CDK6: variants seen among roughly 807,000 people sequenced by gnomAD.
CDK6 encodes cyclin-dependent kinase 6.
Under a neutral mutation model 37.1 loss-of-function variants are expected in CDK6, and 6 were observed. The ratio of observed to expected loss-of-function variants is 0.16; its 90% CI spans 0.09 to 0.32. CDK6 has a LOEUF of 0.32. Ranked by LOEUF, CDK6 falls within the 10% of genes least tolerant of loss-of-function variation. The pLI, the probability that CDK6 is intolerant of heterozygous loss-of-function variation, is 1.00. For synonymous variants in CDK6, 160 were observed against 161.3 expected, an observed-to-expected ratio of 0.99 and a Z score of 0.06; for missense variants, 224 against 418.9, an observed-to-expected ratio of 0.53 and a Z score of 4.06.
chr7:92,638,188 G>A (rs1796218054), intron 5 of CDK6, among the ~76,000 whole-genome samples: 1 of 152,060 alleles, frequency 6.6e-6, no homozygotes, highest in Admixed American at 6.5e-5. Context: ...AAAAGATATA[G>A]AAAATAAACT....
chr7:92,661,964 CTAT>C (rs1315772784), intron 5 of CDK6, among the ~76,000 whole-genome samples: 1 of 152,102 alleles, frequency 6.6e-6, no homozygotes, highest in Non-Finnish European at 1.5e-5. Context: ...TGTAGAGACA[CTAT>C]TCTTTCAAGA....
At chr7:92,723,419 T>G (rs1798414082) in intron 4 of CDK6, among the ~76,000 whole-genome samples, 1 of 152,146 alleles carries the variant, frequency 6.6e-6, no homozygotes. Flanking sequence ...CACTAAAAAA[T>G]GTGTATTTCC....
chr7:92,735,519 T>C (rs536017250), intron 3 of CDK6, among the ~76,000 whole-genome samples: 1 of 152,330 alleles, frequency 6.6e-6, no homozygotes, highest in South Asian at 2.1e-4. Flanking sequence ...GCCTCTGTCA[T>C]AGAACTGTGG....
intron 3 of CDK6, among the ~76,000 whole-genome samples, chr7:92,740,792 T>C (rs1046176724): frequency 3.3e-5 from 5 of 152,266 alleles, no homozygotes; most frequent in Non-Finnish European, 7.4e-5. Flanking sequence ...GGAAACCGAA[T>C]TTGAGAAGCC....
chr7:92,696,114 G>A (rs888293876), intron 4 of CDK6, among the ~76,000 whole-genome samples: 1 of 152,190 alleles, frequency 6.6e-6, no homozygotes, highest in African/African-American at 2.4e-5. Context: ...TATAAACCAG[G>A]GGATTGTGAA....
intron 4 of CDK6, among the ~76,000 whole-genome samples, chr7:92,679,704 TCA>T (rs1797288072): frequency 6.6e-6 from 1 of 152,290 alleles, no homozygotes; most frequent in Non-Finnish European, 1.5e-5. Flanking sequence ...CACTGACTTT[TCA>T]CAGAGGTGCA....
At chr7:92,730,370 T>C (rs1020017423) in intron 3 of CDK6, among the ~76,000 whole-genome samples, 3 of 152,218 alleles carry the variant, frequency 2.0e-5, no homozygotes, top group Admixed American at 1.3e-4. Flanking sequence ...CTGTTTCCTA[T>C]GAAGTGTGTT....
intron 4 of CDK6, among the ~76,000 whole-genome samples, chr7:92,715,454 T>C (rs1798208318): frequency 6.6e-6 from 1 of 152,186 alleles, no homozygotes; most frequent in African/African-American, 2.4e-5. Context: ...GATTTGAAGG[T>C]AGATTATTCC....
intron 5 of CDK6, among the ~76,000 whole-genome samples, chr7:92,636,382 C>T (rs1198435429): frequency 2.0e-5 from 3 of 151,954 alleles, no homozygotes; most frequent in Non-Finnish European, 4.4e-5. Flanking sequence ...AGGTCAACTT[C>T]TGGTTTCAGT....
rs190369983 is a variant in CDK6 at position 92,676,905 on chromosome 7, G to A, written c.538-5370C>T. Among the ~76,000 whole-genome samples the A allele has an allele frequency of 3.2e-3, 483 of 150,730 alleles. 1 individual carries two copies. The highest frequency in any genetic ancestry group is 0.011 in the African/African-American group (458 of 41,010). On this transcript the variant is annotated intron_variant, in intron 4 of 7. Transcript: ENST00000424848. ...ACCCGGGAGGCGGAGCTTGCAGTGA[G>A]CTGAGATCGCGCCACTGCACTCCAG...
intron 5 of CDK6, among the ~76,000 whole-genome samples, chr7:92,658,003 TA>T (rs1796743884): frequency 6.6e-6 from 1 of 152,230 alleles, no homozygotes; most frequent in Admixed American, 6.5e-5. Context: ...ATTACAGATG[TA>T]AGGCACCATG....
chr7:92,821,573 TAAC>T lies in CDK6; in HGVS notation c.233+11515_233+11517del, dbSNP rs1294306525. Among the ~76,000 whole-genome samples, 10 of 152,204 alleles carry T rather than the reference TAAC, an allele frequency of 6.6e-5. No individual in the cohort carries two copies. In the East Asian group the frequency reaches 1.9e-3, roughly 29 times the overall value. ...TGCAAACTTTGGTACTCTACTTTATTAACAACTTCCTTGAAACATATCTGACAA... is the reference window on the plus strand; with the variant it reads ...TGCAAACTTTGGTACTCTACTTTATTAACTTCCTTGAAACATATCTGACAA... On this transcript the variant is annotated intron_variant, in intron 2 of 7. Transcript: ENST00000424848.
intron 2 of CDK6, among the ~76,000 whole-genome samples, chr7:92,816,742 GACAA>G (rs148999214): frequency 6.6e-6 from 1 of 151,848 alleles, no homozygotes; most frequent in African/African-American, 2.4e-5. Flanking sequence ...AGAGACCACA[GACAA>G]ACAGAAGTGA....
intron 5 of CDK6, among the ~76,000 whole-genome samples, chr7:92,641,854 C>T (rs1242608506): frequency 1.3e-5 from 2 of 152,134 alleles, no homozygotes; most frequent in Non-Finnish European, 2.9e-5. Flanking sequence ...TGACTAAAAC[C>T]AGTGAGCCGG....
Position 92,711,552 on chromosome 7 carries a change from A to ATTTTTTTTTTTTTTTTTTT in CDK6, c.537+14055_537+14073dup, listed in dbSNP as rs11285626. ...TTTTTTACCTACCTGGAATGGTCAA[A>ATTTTTTTTTTTTTTTTTTT]TTTTTTTTTTTTTTTTTTTTTTTTT... On this transcript the variant is annotated intron_variant, in intron 4 of 7. Coordinates refer to ENST00000424848, the MANE Select transcript of CDK6 (RefSeq NM_001145306.2). Among the ~76,000 whole-genome samples, 6 of 56,626 alleles carry ATTTTTTTTTTTTTTTTTTT rather than the reference A, an allele frequency of 1.1e-4. 1 individual carries two copies. The highest frequency in any genetic ancestry group is 4.9e-4 in the African/African-American group (6 of 12,216). The allele number at this position is 56,626 out of a possible 152,430, so 37.1% of individuals were successfully genotyped here.
chr7:92,776,260 T>C (rs2115793396), intron 2 of CDK6, among the ~76,000 whole-genome samples: 1 of 152,336 alleles, frequency 6.6e-6, no homozygotes, highest in Admixed American at 6.5e-5. Context: ...TATGAGTGCA[T>C]AGTATTCCAT....
chr7:92,713,050 G>T (rs779314692), intron 4 of CDK6, among the ~76,000 whole-genome samples: 68 of 151,914 alleles, frequency 4.5e-4, no homozygotes, highest in Admixed American at 7.2e-4. Context: ...CAGTAGAGAC[G>T]GGGTTTCACC....
intron 4 of CDK6, among the ~76,000 whole-genome samples, chr7:92,703,062 T>C (rs527813775): frequency 6.6e-6 from 1 of 152,304 alleles, no homozygotes; most frequent in East Asian, 1.9e-4. Flanking sequence ...CCCACTGATA[T>C]ATATGTAACC....
intron 5 of CDK6, 119 bp downstream of exon 5, chr7:92,671,307 G>A (rs371929372): frequency 1.8e-6 from 1 of 562,490 alleles, no homozygotes; most frequent in Non-Finnish European, 3.0e-6. Flanking sequence ...GTAGCCTGGG[G>A]TAGATGGATC....
Sources: allele counts gnomAD v4.1 joint callset (sites outside exome capture counted in the v4.1 genomes callset), GRCh38; gene constraint gnomAD v4.1.1; transcripts MANE v1.5; gene names NCBI Gene and HGNC (gene_info 2026-07-23, HGNC 2026-07-21).